The following KCNQ5 variants were observed in gnomAD, a reference collection of about 807,000 sequenced individuals.
KCNQ5 encodes potassium voltage-gated channel subfamily Q member 5.
A neutral mutation model predicts 98.2 loss-of-function variants in KCNQ5; 30 were observed. That is an observed-to-expected ratio of 0.31 (90% CI 0.23 to 0.41). The LOEUF is 0.41. KCNQ5 is among the 10% of genes least tolerant of loss of function. The probability of loss-of-function intolerance (pLI) is 1.00; values close to 1 mark genes in which losing one functional copy is unlikely to be tolerated. For synonymous variants in KCNQ5, 458 were observed against 449.4 expected (o/e 1.02, Z -0.24); for missense variants, 835 against 1,182.5 (o/e 0.71, Z 4.31).
At chr6:72,878,077 C>G (rs1249551721) in intron 1 of KCNQ5, among the ~76,000 whole-genome samples, 1 of 152,158 alleles carries the variant, frequency 6.6e-6, no homozygotes, top group Non-Finnish European at 1.5e-5. Flanking sequence ...TCCAGACCAG[C>G]CTGACCTACA....
chr6:72,640,589 G>A (rs2098926698), intron 1 of KCNQ5: 2 of 152,274 alleles, frequency 1.3e-5, no homozygotes, highest in Middle Eastern at 3.4e-3. Flanking sequence ...CAGAAATCAA[G>A]CCATATTTTA....
intron 1 of KCNQ5, among the ~76,000 whole-genome samples, chr6:72,975,629 G>C (rs891132983): frequency 6.6e-6 from 1 of 152,142 alleles, no homozygotes; most frequent in African/African-American, 2.4e-5. Context: ...TCTGTCTGCT[G>C]GGTTTATTTT....
chr6:73,102,926 A>T (rs766055283), intron 5 of KCNQ5, among the ~76,000 whole-genome samples: 20 of 152,312 alleles, frequency 1.3e-4, no homozygotes, highest in Non-Finnish European at 2.9e-4. Context: ...TAGAGCTACC[A>T]TGTGATCCAG....
intron 1 of KCNQ5, among the ~76,000 whole-genome samples, chr6:72,949,994 ACT>A (rs1766724545): frequency 6.6e-6 from 1 of 151,896 alleles, no homozygotes; most frequent in African/African-American, 2.4e-5. Context: ...TTTATTCAAA[ACT>A]CTCTACCCTT....
At chr6:73,019,878 C>T (rs1316881841) in intron 2 of KCNQ5, among the ~76,000 whole-genome samples, 1 of 152,164 alleles carries the variant, frequency 6.6e-6, no homozygotes. Flanking sequence ...GACATTTTCT[C>T]AGTGCATAGC....
At chr6:73,104,876 G>A (rs756566273) in intron 5 of KCNQ5, among the ~76,000 whole-genome samples, 1 of 152,092 alleles carries the variant, frequency 6.6e-6, no homozygotes, top group Non-Finnish European at 1.5e-5. Context: ...CAGACCTTCA[G>A]GAAATGCCTG....
At chr6:73,182,514 T>C (rs1482489465) in intron 11 of KCNQ5, among the ~76,000 whole-genome samples, 1 of 152,168 alleles carries the variant, frequency 6.6e-6, no homozygotes, top group Non-Finnish European at 1.5e-5. Flanking sequence ...CCTACTCCTC[T>C]GGTCTCCCCT....
chr6:72,715,307 A>G (rs1041252460), intron 1 of KCNQ5, among the ~76,000 whole-genome samples: 1 of 152,200 alleles, frequency 6.6e-6, no homozygotes, highest in Non-Finnish European at 1.5e-5. Flanking sequence ...CAGAATGGCC[A>G]CGGTTACATA....
intron 3 of KCNQ5, among the ~76,000 whole-genome samples, chr6:73,052,978 C>T (rs778936267): frequency 6.6e-6 from 1 of 152,158 alleles, no homozygotes; most frequent in African/African-American, 2.4e-5. Context: ...CAAGACCCAA[C>T]AGTATGCTGT....
intron 3 of KCNQ5, among the ~76,000 whole-genome samples, chr6:73,069,423 C>A (rs1582295670): frequency 6.6e-6 from 1 of 151,950 alleles, no homozygotes; most frequent in South Asian, 2.1e-4. Context: ...TATTCTATTT[C>A]TTTCCTAATT....
chr6:73,027,837 A>C (rs937046936), intron 2 of KCNQ5, among the ~76,000 whole-genome samples: 2 of 152,242 alleles, frequency 1.3e-5, no homozygotes, highest in African/African-American at 2.4e-5. Flanking sequence ...TTCTGGAAGA[A>C]GATAAGATTC....
At chr6:72,647,863 T>A (rs1017071350) in intron 1 of KCNQ5, among the ~76,000 whole-genome samples, 1 of 152,312 alleles carries the variant, frequency 6.6e-6, no homozygotes, top group South Asian at 2.1e-4. Flanking sequence ...TAGAATGTAA[T>A]GTTGACTGTT....
chr6:73,022,303 G>A (rs906645843), intron 2 of KCNQ5, among the ~76,000 whole-genome samples: 1 of 151,994 alleles, frequency 6.6e-6, no homozygotes, highest in Non-Finnish European at 1.5e-5. Context: ...TGATACTTTT[G>A]TTTTTCACTT....
chr6:73,122,666 A>C (rs1775792860), intron 8 of KCNQ5, among the ~76,000 whole-genome samples: 1 of 152,230 alleles, frequency 6.6e-6, no homozygotes, highest in Admixed American at 6.5e-5. Flanking sequence ...GTGATGCTTC[A>C]TTGCTTCAAA....
In KCNQ5 at chr6:73,133,490, A is replaced by G. The variant is rs766669332; in HGVS notation, c.1317A>G (p.Gln439=). The G allele has an allele frequency of 6.2e-7, 1 of 1,614,198 alleles. No individual in the cohort carries two copies. The highest frequency in any genetic ancestry group is 8.5e-7 in the Non-Finnish European group (1 of 1,180,038). The change falls in exon 10 of 14, where the codon CAA becomes CAG. Residue 439 remains glutamine (Q), a synonymous_variant. Transcript: ENST00000370398. ...GGGGCCAGAGTATTAAGAGCCGACAAGCCTCAGTAGGTGACAGGAGGTCCC... is the reference window on the plus strand; with the variant it reads ...GGGGCCAGAGTATTAAGAGCCGACAGGCCTCAGTAGGTGACAGGAGGTCCC... ...SPRGQSIKSR[Q]ASVGDRRSPS...
At chr6:73,080,217 A>G (rs746416482) in intron 5 of KCNQ5, among the ~76,000 whole-genome samples, 4 of 152,184 alleles carry the variant, frequency 2.6e-5, no homozygotes, top group Non-Finnish European at 5.9e-5. Flanking sequence ...GGGAAGAAAC[A>G]TTTTCATTGA....
intron 1 of KCNQ5, among the ~76,000 whole-genome samples, chr6:72,819,461 T>A (rs1162049127): frequency 2.0e-5 from 3 of 152,072 alleles, no homozygotes; most frequent in Non-Finnish European, 2.9e-5. Flanking sequence ...ATTCATATTA[T>A]TTCATAATTT....
intron 9 of KCNQ5, chr6:73,125,555 G>A (rs755670683): frequency 2.0e-6 from 1 of 501,174 alleles, no homozygotes; most frequent in Non-Finnish European, 4.0e-6. Context: ...GTGGGCCCAG[G>A]GATTGTTCTT....
chr6:72,756,861 A>T (rs554392243), intron 1 of KCNQ5, among the ~76,000 whole-genome samples: 1 of 152,222 alleles, frequency 6.6e-6, no homozygotes, highest in South Asian at 2.1e-4. Flanking sequence ...CACATACTTG[A>T]TCGAAGTAAA....
Sources: allele counts gnomAD v4.1 joint callset (sites outside exome capture counted in the v4.1 genomes callset), GRCh38; gene constraint gnomAD v4.1.1; transcripts MANE v1.5; gene names NCBI Gene and HGNC (gene_info 2026-07-23, HGNC 2026-07-21).